The following KIF6 variants were observed in gnomAD, a reference collection of about 807,000 sequenced individuals.
KIF6 encodes kinesin family member 6.
KIF6 carries 106 observed loss-of-function variants against 112.7 expected under a neutral mutation model. That is an observed-to-expected ratio of 0.94 (90% CI 0.80 to 1.11). KIF6 has a LOEUF of 1.11. Ranked by LOEUF, KIF6 falls within the 50% of genes least tolerant of loss-of-function variation. The probability of loss-of-function intolerance (pLI) is 0.00; values close to 1 mark genes in which losing one functional copy is unlikely to be tolerated. For missense variants in KIF6, 929 were observed against 964.0 expected (o/e 0.96, Z 0.48); for synonymous variants, 339 against 339.9 (o/e 1.00, Z 0.03).
intron 16 of KIF6, among the ~76,000 whole-genome samples, chr6:39,374,052 G>A (rs1766240015): frequency 6.6e-6 from 1 of 152,142 alleles, no homozygotes; most frequent in African/African-American, 2.4e-5. Flanking sequence ...CAACAGGAGA[G>A]AAAGCCCAGA....
intron 13 of KIF6, among the ~76,000 whole-genome samples, chr6:39,458,130 C>T (rs1006569278): frequency 6.7e-6 from 1 of 149,666 alleles, no homozygotes; most frequent in Admixed American, 6.6e-5. Context: ...CAATAAAATA[C>T]TGGCAAACCG....
At chr6:39,451,288 AAG>A (rs961878424) in intron 13 of KIF6, among the ~76,000 whole-genome samples, 23 of 152,218 alleles carry the variant, frequency 1.5e-4, no homozygotes, top group Non-Finnish European at 1.2e-4. Context: ...GTTCTATGAA[AAG>A]AGATGACGAA....
intron 5 of KIF6, chr6:39,617,603 T>C (rs1281517534): frequency 2.4e-6 from 1 of 409,340 alleles, no homozygotes; most frequent in Non-Finnish European, 5.0e-6. Flanking sequence ...CATCATGGGT[T>C]TGTATAGTTA....
At chr6:39,711,303 T>C (rs1373239937) in intron 3 of KIF6, among the ~76,000 whole-genome samples, 2 of 142,500 alleles carry the variant, frequency 1.4e-5, no homozygotes, top group Non-Finnish European at 3.1e-5. Context: ...AAAAAGTATG[T>C]CTAAAAAGAA....
At chr6:39,371,669 T>TTTG (rs903980200) in intron 16 of KIF6, among the ~76,000 whole-genome samples, 31 of 152,308 alleles carry the variant, frequency 2.0e-4, no homozygotes, top group Non-Finnish European at 2.4e-4. Flanking sequence ...TACACTCTGC[T>TTTG]TATGCCTCTG....
At chr6:39,607,602 A>G (rs1475143737) in intron 6 of KIF6, among the ~76,000 whole-genome samples, 1 of 151,958 alleles carries the variant, frequency 6.6e-6, no homozygotes, top group Admixed American at 6.6e-5. Context: ...TTATTTATTT[A>G]TTTATTTGAG....
At chr6:39,684,616 C>CAAAA (rs58959171) in intron 3 of KIF6, among the ~76,000 whole-genome samples, 20 of 130,774 alleles carry the variant, frequency 1.5e-4, no homozygotes, top group Admixed American at 3.1e-4. Context: ...ACCTCTGTCT[C>CAAAA]AAAAAAAAAA....
chr6:39,638,722 T>A (rs1582334485), intron 4 of KIF6, among the ~76,000 whole-genome samples: 2 of 152,114 alleles, frequency 1.3e-5, no homozygotes, highest in East Asian at 3.8e-4. Flanking sequence ...AGTTAAGACA[T>A]GTATTATACA....
intron 13 of KIF6, among the ~76,000 whole-genome samples, chr6:39,538,483 C>T (rs556784563): frequency 0.021 from 3,208 of 152,034 alleles, 55 homozygotes; most frequent in Non-Finnish European, 0.031. Context: ...TCATCACTGG[C>T]CATCAGAGAA....
chr6:39,346,046 A>G (rs1258232403), intron 20 of KIF6, among the ~76,000 whole-genome samples: 1 of 54,102 alleles, frequency 1.8e-5, no homozygotes, highest in Non-Finnish European at 4.2e-5. Context: ...GAGAAACTAC[A>G]GTGCTCTCTC....
intron 14 of KIF6, among the ~76,000 whole-genome samples, chr6:39,427,892 C>G (rs1031794753): frequency 6.6e-6 from 1 of 152,168 alleles, no homozygotes; most frequent in Non-Finnish European, 1.5e-5. Flanking sequence ...CAAATCCCTG[C>G]TGAAAATAGA....
chr6:39,379,579 G>C (rs763857017), intron 16 of KIF6, among the ~76,000 whole-genome samples: 3 of 152,348 alleles, frequency 2.0e-5, no homozygotes, highest in Non-Finnish European at 2.9e-5. Context: ...TTTGGGAGAA[G>C]GGGTCAGGGA....
At chr6:39,585,268 C>T (rs906881746) in intron 8 of KIF6, among the ~76,000 whole-genome samples, 4 of 152,210 alleles carry the variant, frequency 2.6e-5, no homozygotes, top group Non-Finnish European at 5.9e-5. Context: ...CTCAGATCAT[C>T]AGGCATTAGA....
At chr6:39,520,675 G>T (rs966072468) in intron 13 of KIF6, among the ~76,000 whole-genome samples, 2 of 152,212 alleles carry the variant, frequency 1.3e-5, no homozygotes, top group Non-Finnish European at 2.9e-5. Context: ...CTGGCTGAGG[G>T]AGGTTAAAAG....
rs551874372 is a variant in KIF6, at chr6:39,509,006, C to T, written c.1645+30997G>A. ...CAGACACCTCATACAGGTGGGTGCT[C>T]CTCTGGGATGAAGCTTCCAGAGGAA... On this transcript the variant is annotated intron_variant, in intron 13 of 22. Coordinates refer to ENST00000287152, the MANE Select transcript of KIF6 (RefSeq NM_145027.6). Among the ~76,000 whole-genome samples the T allele has an allele frequency of 1.8e-4, 27 of 152,222 alleles. No homozygotes were observed. In the South Asian group the frequency reaches 5.6e-3, roughly 32 times the overall value.
chr6:39,430,116 T>C (rs188757580), intron 14 of KIF6, among the ~76,000 whole-genome samples: 1 of 152,220 alleles, frequency 6.6e-6, no homozygotes, highest in African/African-American at 2.4e-5. Context: ...CCTCTTGACT[T>C]GGCTATCAGG....
At chr6:39,717,843 G>A (rs1448169873) in intron 2 of KIF6, among the ~76,000 whole-genome samples, 1 of 152,038 alleles carries the variant, frequency 6.6e-6, no homozygotes, top group African/African-American at 2.4e-5. Flanking sequence ...TTTTAATTTT[G>A]AATATTAAAA....
chr6:39,423,538 A>T lies in KIF6; in HGVS notation c.1755-3535T>A, dbSNP rs182199853. ...TGGCTATCTCAACTGTCATCTCTCA[A>T]ATCTCCACCTCAGCCCTGCTTTAGT... On this transcript the variant is annotated intron_variant, in intron 14 of 22. Transcript: ENST00000287152. Among the ~76,000 whole-genome samples the T allele has an allele frequency of 5.4e-4, 82 of 151,776 alleles. 3 individuals are homozygous for T. The East Asian group carries it at 0.014, about 26-fold the overall frequency.
chr6:39,640,021 C>A (rs138592200), intron 3 of KIF6, among the ~76,000 whole-genome samples: 11 of 152,092 alleles, frequency 7.2e-5, no homozygotes, highest in Admixed American at 3.9e-4. Context: ...TCTTTTAGTA[C>A]ACACTGGACT....
Sources: gnomAD v4.1 joint callset for allele counts (sites outside exome capture counted in the v4.1 genomes callset) on GRCh38, gnomAD v4.1.1 for gene constraint, MANE v1.5 for transcripts, NCBI Gene and HGNC (gene_info 2026-07-23, HGNC 2026-07-21) for gene names.